AFG2A: variants seen among roughly 807,000 people sequenced by gnomAD.
AFG2A encodes ATPase family gene 2 protein homolog A.
At chr4:123,231,620 T>A in the AFG2A span, among the ~76,000 whole-genome samples, 3 of 152,010 alleles carry the variant, frequency 2.0e-5, no homozygotes, top group Non-Finnish European at 4.4e-5. Flanking sequence ...CATTCACAAT[T>A]TGCTTACTGA....
the AFG2A span, among the ~76,000 whole-genome samples, chr4:123,171,576 C>T: frequency 6.6e-6 from 1 of 152,070 alleles, no homozygotes; most frequent in Non-Finnish European, 1.5e-5. Context: ...GATCTTTGGG[C>T]TATTTCCTAT....
At chr4:123,147,372 T>C in the AFG2A span, among the ~76,000 whole-genome samples, 5 of 152,034 alleles carry the variant, frequency 3.3e-5, no homozygotes, top group Admixed American at 3.3e-4. Flanking sequence ...GGTATTACGT[T>C]TGAGAGAATA....
chr4:123,130,426 G>T, the AFG2A span, among the ~76,000 whole-genome samples: 1 of 152,124 alleles, frequency 6.6e-6, no homozygotes, highest in Admixed American at 6.5e-5. Flanking sequence ...ACCACTGGTG[G>T]GATGTCTTCT....
chr4:123,313,057 G>A, the AFG2A span, among the ~76,000 whole-genome samples: 2 of 152,158 alleles, frequency 1.3e-5, no homozygotes, highest in African/African-American at 2.4e-5. Flanking sequence ...CATCCCACAA[G>A]CTCTTTTCAC....
the AFG2A span, among the ~76,000 whole-genome samples, chr4:122,964,500 T>G: frequency 4.1e-5 from 2 of 48,364 alleles, no homozygotes; most frequent in Non-Finnish European, 1.2e-4. Context: ...CAAGACTGTC[T>G]CAAAAAAAAA....
chr4:123,268,036 A>G, the AFG2A span, among the ~76,000 whole-genome samples: 21 of 152,072 alleles, frequency 1.4e-4, no homozygotes, highest in Non-Finnish European at 2.8e-4. Flanking sequence ...TTAGACAATC[A>G]ATATATAATT....
chr4:122,952,436 G>A, the AFG2A span, among the ~76,000 whole-genome samples: 2,890 of 152,232 alleles, frequency 0.019, 86 homozygotes, highest in African/African-American at 0.065. Flanking sequence ...AAGGAGTTGG[G>A]CCAAATGAGG....
the AFG2A span, among the ~76,000 whole-genome samples, chr4:123,128,343 G>A: frequency 1.9e-4 from 29 of 152,264 alleles, no homozygotes; most frequent in East Asian, 5.2e-3. Flanking sequence ...ATTGGTAGAA[G>A]TATCTCAGGG....
chr4:123,100,723 G>GA, the AFG2A span, among the ~76,000 whole-genome samples: 1 of 151,918 alleles, frequency 6.6e-6, no homozygotes, highest in Admixed American at 6.6e-5. Context: ...CAACAAAGGT[G>GA]AAAAGCCCAG....
chr4:123,165,829 CTT>C, the AFG2A span, among the ~76,000 whole-genome samples: 2 of 152,042 alleles, frequency 1.3e-5, no homozygotes. Flanking sequence ...TCATATATCT[CTT>C]AAGATTAAAT....
chr4:123,026,849 A>G, the AFG2A span, among the ~76,000 whole-genome samples: 2 of 152,222 alleles, frequency 1.3e-5, no homozygotes, highest in Non-Finnish European at 2.9e-5. Flanking sequence ...TTTCTACTAT[A>G]TTCAAGTCCC....
At chr4:123,090,542 A>G in the AFG2A span, 1 of 1,610,046 alleles carries the variant, frequency 6.2e-7, no homozygotes. Flanking sequence ...TTTGAAGATA[A>G]GTAAAGATAT....
the AFG2A span, among the ~76,000 whole-genome samples, chr4:123,115,098 C>T: frequency 1.1e-4 from 17 of 152,114 alleles, no homozygotes; most frequent in Non-Finnish European, 8.8e-5. Context: ...TGTCTGCCTC[C>T]TTGCAGCCTG....
the AFG2A span, among the ~76,000 whole-genome samples, chr4:123,139,205 A>T: frequency 1.3e-5 from 2 of 152,094 alleles, no homozygotes; most frequent in African/African-American, 4.8e-5. Flanking sequence ...AAGCCTTTGA[A>T]TTTGGCAACT....
the AFG2A span, among the ~76,000 whole-genome samples, chr4:122,992,419 T>A: frequency 6.6e-6 from 1 of 152,264 alleles, no homozygotes; most frequent in Admixed American, 6.5e-5. Flanking sequence ...AAAATTTTCC[T>A]GAGAAGTCAA....
the AFG2A span, among the ~76,000 whole-genome samples, chr4:123,311,731 A>T: frequency 6.6e-6 from 1 of 151,938 alleles, no homozygotes; most frequent in African/African-American, 2.4e-5. Context: ...AGGGGAACTG[A>T]CCCTAAGGAC....
chr4:122,979,096 GCAGCCCTGGC>G, the AFG2A span: 1 of 1,020,184 alleles, frequency 9.8e-7, no homozygotes, highest in Non-Finnish European at 1.4e-6. Flanking sequence ...CGTGGAGTAT[GCAGCCCTGGC>G]CACGCCTCCC....
the AFG2A span, among the ~76,000 whole-genome samples, chr4:123,019,430 A>G: frequency 6.6e-6 from 1 of 152,188 alleles, no homozygotes; most frequent in African/African-American, 2.4e-5. Context: ...TGGAGAGGCT[A>G]GAAGGTCCTA....
At chr4:123,227,785 T>G in the AFG2A span, among the ~76,000 whole-genome samples, 1 of 152,198 alleles carries the variant, frequency 6.6e-6, no homozygotes, top group Non-Finnish European at 1.5e-5. Context: ...TCTGTCTCGT[T>G]GATCTGTCTA....
Sources: gnomAD v4.1 joint callset for allele counts (sites outside exome capture counted in the v4.1 genomes callset) on GRCh38, gnomAD v4.1.1 for gene constraint, MANE v1.5 for transcripts, NCBI Gene and HGNC (gene_info 2026-07-23, HGNC 2026-07-21) for gene names.